The following HEATR4 variants were observed in gnomAD, a reference collection of about 807,000 sequenced individuals.
HEATR4 encodes the protein HEAT repeat containing 4, also known as HEAT repeat-containing protein 4.
HEATR4 carries 95 observed loss-of-function variants against 108.8 expected under a neutral mutation model. That is an observed-to-expected ratio of 0.87 (90% CI 0.74 to 1.04). The LOEUF is 1.04. Among genes scored for constraint, HEATR4 ranks in the 50% least tolerant of loss-of-function variants. HEATR4 has a pLI of 0.00. For synonymous variants in HEATR4, 443 were observed against 459.4 expected (o/e 0.96, Z 0.46); for missense variants, 1,152 against 1,253.8 (o/e 0.92, Z 1.23).
At chr14:73,615,215 G>T in the HEATR4 span, among the ~76,000 whole-genome samples, 1 of 149,366 alleles carries the variant, frequency 6.7e-6, no homozygotes, top group South Asian at 2.1e-4. Context: ...GTGAAACCCT[G>T]TCTCTACTAA....
the HEATR4 span, chr14:73,569,279 T>C: frequency 3.1e-6 from 5 of 1,613,886 alleles, no homozygotes; most frequent in East Asian, 2.2e-5. Context: ...CCCATTCAGT[T>C]GTTCTCAGGT....
chr14:73,491,899 C>T, intron 17 of HEATR4: 1 of 1,612,034 alleles, frequency 6.2e-7, no homozygotes, highest in Non-Finnish European at 8.5e-7. Flanking sequence ...AGGCCGGCTG[C>T]TCCCTGCGTC....
chr14:73,482,211 C>T (rs1885288208), intron 17 of HEATR4, among the ~76,000 whole-genome samples: 1 of 151,714 alleles, frequency 6.6e-6, no homozygotes, highest in African/African-American at 2.4e-5. Flanking sequence ...CATGGTGAAA[C>T]CCAGTCTCTA....
chr14:73,573,194 CTT>C, the HEATR4 span, among the ~76,000 whole-genome samples: 1 of 151,768 alleles, frequency 6.6e-6, no homozygotes, highest in Non-Finnish European at 1.5e-5. Context: ...TGTTTCCAGT[CTT>C]TGGCTACAAC....
intron 1 of HEATR4, among the ~76,000 whole-genome samples, chr14:73,533,635 C>T (rs554064126): frequency 1.8e-5 from 2 of 113,830 alleles, no homozygotes; most frequent in South Asian, 2.8e-4. Context: ...GCTGAGACCG[C>T]GCCACTGCAC....
chr14:73,589,363 A>C, the HEATR4 span, among the ~76,000 whole-genome samples: 2 of 151,530 alleles, frequency 1.3e-5, no homozygotes, highest in Non-Finnish European at 2.9e-5. Flanking sequence ...TCTGTCACCG[A>C]TGCTGTAGTG....
the HEATR4 span, chr14:73,612,376 CTT>C: frequency 4.8e-6 from 2 of 420,234 alleles, no homozygotes; most frequent in Non-Finnish European, 8.2e-6. Context: ...AGCAGATACT[CTT>C]TCATTTGGGA....
the HEATR4 span, among the ~76,000 whole-genome samples, chr14:73,630,745 G>A: frequency 2.3e-4 from 35 of 152,348 alleles, no homozygotes; most frequent in Non-Finnish European, 3.2e-4. Context: ...TTTATCACTG[G>A]CTTTAGGGAA....
rs569333797 is a variant in HEATR4, at chr14:73,502,402, T to C, written c.2105+493A>G. On this transcript the variant is annotated intron_variant, in intron 11 of 17. Coordinates refer to ENST00000553558, the MANE Select transcript of HEATR4 (RefSeq NM_001220484.1). ...TGAACACCCTCCAGCACCGAAACCA[T>C]TGCCTCACACCTACTGGGCACTCAA... 1.8e-4 allele frequency among the ~76,000 whole-genome samples: 27 copies of C among 152,268 alleles called. No homozygotes were observed. The South Asian group carries it at 5.2e-3, about 29-fold the overall frequency.
chr14:73,524,306 AAAAAATATATATATAT>A (rs1888176073), intron 2 of HEATR4, among the ~76,000 whole-genome samples: 1 of 91,010 alleles, frequency 1.1e-5, no homozygotes, highest in Non-Finnish European at 2.1e-5. Flanking sequence ...AAAAAAAAAA[AAAAAATATATATATAT>A]ATATATATAT....
At chr14:73,511,958 G>A (rs1393847670) in intron 7 of HEATR4, 48 bp downstream of exon 7, 15 of 1,611,434 alleles carry the variant, frequency 9.3e-6, no homozygotes, top group Admixed American at 5.0e-5. Flanking sequence ...ATGTTCCATG[G>A]CTTTATGAGT....
At position 73,508,165 on chromosome 14, in the gene HEATR4, T is replaced by A; in HGVS notation, c.1850A>T (p.Tyr617Phe). The A allele has an allele frequency of 1.2e-6, 2 of 1,614,146 alleles. No individual in the cohort carries two copies. The highest frequency in any genetic ancestry group is 1.7e-6 in the Non-Finnish European group (2 of 1,179,972). The change falls in exon 9 of 18, where the codon TAT (tyrosine) becomes TTT (phenylalanine). Residue 617 changes from tyrosine to phenylalanine, a missense_variant. Tyr to Phe is a conservative substitution (Grantham distance 22, BLOSUM62 3). Transcript: ENST00000553558. Reference sequence around the variant, plus strand: ...CTCACTCAGATAGCTCAGGAGGATATAAGACTGTTCCTCAGTGTCCTCATT... The same window carrying A: ...CTCACTCAGATAGCTCAGGAGGATAAAAGACTGTTCCTCAGTGTCCTCATT... Reference protein sequence around the residue: ...KKNEDTEEQSYILLSYLSEKT... With the variant: ...KKNEDTEEQSFILLSYLSEKT...
In HEATR4 at chr14:73,509,491, A is replaced by G. The variant is rs753178070; in HGVS notation, c.1559-18T>C. ...GGTCTTGTCTGTGATCAAAAGAGCC[A>G]GGTAAGAGAGTACTAGCCCCTTTGC... On this transcript the variant is annotated intron_variant, in intron 7 of 17. Coordinates refer to ENST00000553558, the MANE Select transcript of HEATR4 (RefSeq NM_001220484.1). 11 of 1,612,850 alleles carry G rather than the reference A, an allele frequency of 6.8e-6. No homozygotes were observed. In the South Asian group the frequency reaches 9.9e-5, roughly 14 times the overall value.
At chr14:73,599,371 A>G in the HEATR4 span, among the ~76,000 whole-genome samples, 1 of 152,198 alleles carries the variant, frequency 6.6e-6, no homozygotes, top group East Asian at 1.9e-4. Flanking sequence ...CTAAAACAGC[A>G]GCTTAAAACA....
chr14:73,504,324 C>T (rs979911205), intron 10 of HEATR4, among the ~76,000 whole-genome samples: 5 of 151,866 alleles, frequency 3.3e-5, no homozygotes, highest in African/African-American at 1.2e-4. Context: ...CTCACTGCAA[C>T]CTCCACCTCC....
the HEATR4 span, chr14:73,581,059 T>A: frequency 6.6e-6 from 1 of 151,958 alleles, no homozygotes; most frequent in African/African-American, 2.4e-5. Context: ...ATGTGTATAT[T>A]AACACACTGT....
At chr14:73,586,688 CAG>C in the HEATR4 span, among the ~76,000 whole-genome samples, 1 of 144,374 alleles carries the variant, frequency 6.9e-6, no homozygotes, top group African/African-American at 2.6e-5. Flanking sequence ...CTGGGAGACA[CAG>C]TGACTCTGTC....
the HEATR4 span, among the ~76,000 whole-genome samples, chr14:73,589,789 G>A: frequency 6.6e-5 from 10 of 152,296 alleles, no homozygotes; most frequent in South Asian, 2.1e-4. Context: ...TAAAGGCAGC[G>A]TGTCTGGAGA....
rs2140249894 is a variant in HEATR4 at position 73,492,059 on chromosome 14, G to A, written c.2844+1007C>T. On this transcript the variant is annotated intron_variant, in intron 17 of 17. Transcript: ENST00000553558. The surrounding 1 kb of genome is among the most constrained non-coding windows in gnomAD (Gnocchi z 4.9). ...CCACTACGACGACATCGAGGCCTTC[G>A]TGCTGCAGCTGGAAGGTAGGAAACT... is the stretch of plus-strand genomic sequence containing the variant. 1 of 1,613,940 alleles carries A rather than the reference G, an allele frequency of 6.2e-7. No homozygotes were observed. Among genetic ancestry groups the A allele is most frequent in the South Asian group, 1.1e-5 (1 of 91,070 alleles).
Sources: gnomAD v4.1 joint callset for allele counts (sites outside exome capture counted in the v4.1 genomes callset) on GRCh38, gnomAD v4.1.1 for gene constraint, Gnocchi (gnomAD v3.1) non-coding constraint, MANE v1.5 for transcripts, NCBI Gene and HGNC (gene_info 2026-07-23, HGNC 2026-07-21) for gene names.